The following COL25A1 variants were observed in gnomAD, a reference collection of about 807,000 sequenced individuals.
COL25A1 encodes collagen alpha-1(XXV) chain.
In COL25A1, 103 loss-of-function variants were observed where a neutral mutation model predicts 128.4. The ratio of observed to expected loss-of-function variants is 0.80; its 90% confidence interval spans 0.68 to 0.94. The LOEUF (loss-of-function observed/expected upper bound fraction) is 0.94, where lower values mean the gene tolerates loss of function less well. COL25A1 is among the 40% of genes least tolerant of loss of function. COL25A1 has a pLI of 0.00. For synonymous variants in COL25A1, 279 were observed against 277.2 expected (o/e 1.01, Z -0.06); for missense variants, 745 against 840.0 (o/e 0.89, Z 1.40).
intron 8 of COL25A1, among the ~76,000 whole-genome samples, chr4:108,952,015 C>T (rs918608613): frequency 2.6e-5 from 4 of 151,998 alleles, no homozygotes; most frequent in African/African-American, 7.3e-5. Flanking sequence ...TTTAGCAGAA[C>T]TAAAGATTAT....
intron 5 of COL25A1, among the ~76,000 whole-genome samples, chr4:109,042,104 A>T (rs893766939): frequency 6.6e-6 from 1 of 152,038 alleles, no homozygotes; most frequent in African/African-American, 2.4e-5. Context: ...ATTTAAGCTC[A>T]ATTTGCAGCT....
chr4:109,155,152 C>T (rs1771909636), intron 3 of COL25A1, among the ~76,000 whole-genome samples: 1 of 152,112 alleles, frequency 6.6e-6, no homozygotes, highest in Admixed American at 6.5e-5. Flanking sequence ...TAAAGCTAAC[C>T]AAACTTTACA....
chr4:108,959,315 C>G (rs1450617989), intron 8 of COL25A1, among the ~76,000 whole-genome samples: 2 of 151,938 alleles, frequency 1.3e-5, no homozygotes, highest in Non-Finnish European at 2.9e-5. Flanking sequence ...CCAATATTAG[C>G]AACTAATCTG....
At chr4:109,094,150 A>C (rs1001452733) in intron 3 of COL25A1, among the ~76,000 whole-genome samples, 1 of 152,230 alleles carries the variant, frequency 6.6e-6, no homozygotes, top group Non-Finnish European at 1.5e-5. Context: ...TATATGAAAT[A>C]TCCTTCTAGT....
At chr4:109,048,219 A>G (rs754494254) in intron 4 of COL25A1, 44 bp from the exon 5 acceptor site, 1 of 1,562,816 alleles carries the variant, frequency 6.4e-7, no homozygotes, top group Non-Finnish European at 8.8e-7. Flanking sequence ...GAGAGGAGTT[A>G]GTGAATATGC....
intron 8 of COL25A1, among the ~76,000 whole-genome samples, chr4:108,973,187 C>T (rs946303607): frequency 6.6e-6 from 1 of 152,108 alleles, no homozygotes; most frequent in Non-Finnish European, 1.5e-5. Context: ...GTATTCTAAT[C>T]ACTTAAGGTT....
Position 108,846,773 on chromosome 4 carries a change from C to T in COL25A1, c.1435-554G>A, listed in dbSNP as rs116647874. Among the ~76,000 whole-genome samples the T allele has an allele frequency of 4.0e-3, 613 of 152,202 alleles. 5 individuals are homozygous for T. The highest frequency in any genetic ancestry group is 0.014 in the African/African-American group (587 of 41,536). ...CAATCAATGCTTAAAAGTATGACAACCTCTTCACAGTGTTCTTATTTTGTT... is the reference window on the plus strand; with the variant it reads ...CAATCAATGCTTAAAAGTATGACAATCTCTTCACAGTGTTCTTATTTTGTT... On this transcript the variant is annotated intron_variant, in intron 27 of 37. Coordinates refer to ENST00000399132, the MANE Select transcript of COL25A1 (RefSeq NM_198721.4).
intron 3 of COL25A1, among the ~76,000 whole-genome samples, chr4:109,136,463 T>G (rs1289270137): frequency 6.6e-6 from 1 of 152,168 alleles, no homozygotes; most frequent in African/African-American, 2.4e-5. Flanking sequence ...GAGCAAGAGC[T>G]CCTACCCAAA....
At chr4:109,208,755 T>C (rs1777244211) in intron 3 of COL25A1, among the ~76,000 whole-genome samples, 1 of 152,202 alleles carries the variant, frequency 6.6e-6, no homozygotes, top group East Asian at 1.9e-4. Flanking sequence ...TCTTACCAAG[T>C]TGAATTTTTT....
At chr4:108,991,886 A>G (rs186685505) in intron 6 of COL25A1, among the ~76,000 whole-genome samples, 234 of 152,306 alleles carry the variant, frequency 1.5e-3, no homozygotes, top group African/African-American at 5.3e-3. Flanking sequence ...AAAATATAAT[A>G]TTTTATTCAG....
At chr4:108,960,708 T>C (rs959263931) in intron 8 of COL25A1, among the ~76,000 whole-genome samples, 3 of 152,152 alleles carry the variant, frequency 2.0e-5, no homozygotes, top group Admixed American at 1.3e-4. Context: ...AAAGAAAAGA[T>C]ATATCTAAGA....
At chr4:108,921,628 GA>G (rs1745504252) in intron 11 of COL25A1, among the ~76,000 whole-genome samples, 1 of 152,156 alleles carries the variant, frequency 6.6e-6, no homozygotes, top group South Asian at 2.1e-4. Flanking sequence ...GTTGTCAGAA[GA>G]AGACCTGCTC....
intron 3 of COL25A1, among the ~76,000 whole-genome samples, chr4:109,161,107 G>C (rs1203397872): frequency 6.6e-6 from 1 of 151,800 alleles, no homozygotes; most frequent in Non-Finnish European, 1.5e-5. Flanking sequence ...CAAAATGCTG[G>C]GATTACACAC....
At chr4:109,277,750 A>T (rs913807347) in intron 3 of COL25A1, among the ~76,000 whole-genome samples, 10 of 152,180 alleles carry the variant, frequency 6.6e-5, no homozygotes, top group Non-Finnish European at 1.2e-4. Context: ...CCAATATTTG[A>T]GTTTTCTGGC....
chr4:109,253,868 A>G (rs1272824745), intron 3 of COL25A1, among the ~76,000 whole-genome samples: 1 of 152,154 alleles, frequency 6.6e-6, no homozygotes, highest in Non-Finnish European at 1.5e-5. Context: ...CGGGCGGATC[A>G]CGAGGTCAGG....
intron 3 of COL25A1, among the ~76,000 whole-genome samples, chr4:109,280,330 G>A (rs924282031): frequency 5.3e-5 from 8 of 152,138 alleles, no homozygotes; most frequent in East Asian, 1.9e-4. Flanking sequence ...ATGAGACAGC[G>A]TCATCTATAA....
chr4:109,205,009 G>A lies in COL25A1; in HGVS notation c.367+95574C>T, dbSNP rs188552492. On this transcript the variant is annotated intron_variant, in intron 3 of 37. Transcript: ENST00000399132. ...GTGTGTGTGTTACCACTGTGTGATT[G>A]TTCCAATATAAAATATTAAGGAGCA... Among the ~76,000 whole-genome samples the A allele has an allele frequency of 2.7e-3, 411 of 152,170 alleles. 1 individual carries two copies. The highest frequency in any genetic ancestry group is 6.8e-3 in the Middle Eastern group (2 of 294).
At chr4:108,945,771 C>A (rs1279440030) in intron 8 of COL25A1, among the ~76,000 whole-genome samples, 1 of 152,154 alleles carries the variant, frequency 6.6e-6, no homozygotes, top group Non-Finnish European at 1.5e-5. Context: ...TCAAGCAATT[C>A]TCCTGCCTCA....
chr4:108,934,205 A>G (rs1404703118), intron 11 of COL25A1, among the ~76,000 whole-genome samples: 1 of 151,944 alleles, frequency 6.6e-6, no homozygotes, highest in Non-Finnish European at 1.5e-5. Flanking sequence ...GAAGCTGGAA[A>G]CCATCATTCT....
Sources: allele counts gnomAD v4.1 joint callset (sites outside exome capture counted in the v4.1 genomes callset), GRCh38; gene constraint gnomAD v4.1.1; transcripts MANE v1.5; gene names NCBI Gene and HGNC (gene_info 2026-07-23, HGNC 2026-07-21).